Variants in RYR2 observed in about 807,000 individuals in gnomAD.
RYR2 encodes ryanodine receptor 2.
A neutral mutation model predicts 601.1 loss-of-function variants in RYR2; 227 were observed. The observed-to-expected ratio is 0.38, with a 90% CI of 0.34 to 0.42. The LOEUF (loss-of-function observed/expected upper bound fraction) is 0.42, where lower values mean the gene tolerates loss of function less well. Among genes scored for constraint, RYR2 ranks in the 10% least tolerant of loss-of-function variants. The pLI is 1.00. For synonymous variants in RYR2, 2,223 were observed against 2,175.1 expected (o/e 1.02, Z -0.61); for missense variants, 4,646 against 6,156.5 (o/e 0.75, Z 8.21).
At chr1:237,226,084 T>G (rs1030969785) in intron 1 of RYR2, among the ~76,000 whole-genome samples, 1 of 151,880 alleles carries the variant, frequency 6.6e-6, no homozygotes, top group Non-Finnish European at 1.5e-5. Context: ...AGGTGTCCCC[T>G]GTAACATTAG....
chr1:237,540,760 A>G (rs1669174013), intron 25 of RYR2, among the ~76,000 whole-genome samples: 1 of 151,782 alleles, frequency 6.6e-6, no homozygotes, highest in Non-Finnish European at 1.5e-5. Context: ...AGAGGTTTCT[A>G]AAACTACTGC....
intron 1 of RYR2, among the ~76,000 whole-genome samples, chr1:237,058,840 C>T (rs1389941424): frequency 6.6e-6 from 1 of 151,538 alleles, no homozygotes; most frequent in Non-Finnish European, 1.5e-5. Context: ...AATCAGGTAG[C>T]AATTAGAAGG....
chr1:237,260,823 T>G (rs1688437397), intron 1 of RYR2, among the ~76,000 whole-genome samples: 5 of 152,230 alleles, frequency 3.3e-5, no homozygotes, highest in Admixed American at 3.3e-4. Flanking sequence ...ACAAAAATTC[T>G]TAAAGGTCAT....
At position 237,114,548 on chromosome 1, in the gene RYR2, C is replaced by T. The variant is rs769319054; in HGVS notation, c.48+71979C>T. 4.6e-5 allele frequency among the ~76,000 whole-genome samples: 7 copies of T among 152,256 alleles called. No homozygotes were observed. The South Asian group carries it at 6.2e-4, about 14-fold the overall frequency. ...CCCTGTCAGAAGCTTGGAAATACTT[C>T]GATTTTAAAGCTGCTACTCTTCCAT... On this transcript the variant is annotated intron_variant, in intron 1 of 104. Coordinates refer to ENST00000366574, the MANE Select transcript of RYR2 (RefSeq NM_001035.3).
At chr1:237,634,457 A>G (rs10925480) in intron 43 of RYR2, among the ~76,000 whole-genome samples, 61,826 of 151,942 alleles carry the variant, frequency 0.41, 13,151 homozygotes, top group African/African-American at 0.54. Flanking sequence ...TACCAGGTGT[A>G]GGGGGGAGTG....
intron 80 of RYR2, among the ~76,000 whole-genome samples, chr1:237,753,703 G>T (rs1199204425): frequency 6.6e-6 from 1 of 152,140 alleles, no homozygotes; most frequent in Non-Finnish European, 1.5e-5. Flanking sequence ...CTAAACTGCA[G>T]GTGGTGTTTA....
intron 8 of RYR2, among the ~76,000 whole-genome samples, chr1:237,380,508 A>G (rs1701415548): frequency 6.8e-6 from 1 of 147,592 alleles, no homozygotes; most frequent in Admixed American, 6.8e-5. Flanking sequence ...AGTCTGGGGA[A>G]TAATAAAGAA....
intron 17 of RYR2, among the ~76,000 whole-genome samples, chr1:237,471,613 G>A (rs12048032): frequency 0.48 from 73,390 of 151,898 alleles, 18,750 homozygotes; most frequent in East Asian, 0.65. Flanking sequence ...ACTGCACAGC[G>A]AAATGCTTAA....
intron 2 of RYR2, among the ~76,000 whole-genome samples, chr1:237,310,565 CTTTCCCCTCCAGCCCACTTTACCCCTT>C (rs1694449445): frequency 6.6e-6 from 1 of 152,174 alleles, no homozygotes; most frequent in Non-Finnish European, 1.5e-5. Flanking sequence ...TACCCTACCT[CTTTCCCCTCCAGCCCACTTTACCCCTT>C]TAAATATTGA....
chr1:237,210,423 G>A (rs1682446643), intron 1 of RYR2, among the ~76,000 whole-genome samples: 1 of 151,950 alleles, frequency 6.6e-6, no homozygotes, highest in Non-Finnish European at 1.5e-5. Flanking sequence ...ATCTCTCCTT[G>A]GATCTGGAGG....
intron 98 of RYR2, 75 bp downstream of exon 98, chr1:237,801,991 G>A: frequency 3.5e-6 from 3 of 861,370 alleles, no homozygotes; most frequent in Non-Finnish European, 5.8e-6. Context: ...CAGATGGAAG[G>A]CTGGTTATTT....
At chr1:237,696,896 C>G (rs572356699) in intron 63 of RYR2, among the ~76,000 whole-genome samples, 34 of 152,134 alleles carry the variant, frequency 2.2e-4, no homozygotes, top group Non-Finnish European at 3.4e-4. Context: ...TGCAGTAGGT[C>G]CCTAATTATC....
chr1:237,363,344 T>G (rs1485454042), intron 4 of RYR2, among the ~76,000 whole-genome samples: 1 of 152,094 alleles, frequency 6.6e-6, no homozygotes, highest in African/African-American at 2.4e-5. Flanking sequence ...GATGAAAGCT[T>G]CTTTACAATT....
chr1:237,625,056 T>A (rs74147124), intron 39 of RYR2, among the ~76,000 whole-genome samples: 3,848 of 151,870 alleles, frequency 0.025, 167 homozygotes, highest in African/African-American at 0.086. Context: ...ATATATATTT[T>A]TTTTTTTCTA....
intron 69 of RYR2, 117 bp downstream of exon 69, chr1:237,709,215 A>G (rs1414225251): frequency 1.7e-5 from 17 of 993,080 alleles, no homozygotes; most frequent in Non-Finnish European, 2.2e-5. Flanking sequence ...GGTAATTATA[A>G]TTAACTGTTT....
chr1:237,685,821 TGAATA>T lies in RYR2; in HGVS notation c.9018-1631_9018-1627del, dbSNP rs1399311249. On this transcript the variant is annotated intron_variant, in intron 62 of 104. Coordinates refer to ENST00000366574, the MANE Select transcript of RYR2 (RefSeq NM_001035.3). ...ACTAATCTTATGTCTAGTAGCCACTTGAATAGATCATTGTTTTAAAAATATTTTGT... is the reference window on the plus strand; with the variant it reads ...ACTAATCTTATGTCTAGTAGCCACTTGATCATTGTTTTAAAAATATTTTGT... Among the ~76,000 whole-genome samples, 3 of 152,292 alleles carry T rather than the reference TGAATA, an allele frequency of 2.0e-5. No homozygotes were observed. The East Asian group carries it at 5.8e-4, about 29-fold the overall frequency.
chr1:237,192,220 T>G (rs1294548121), intron 1 of RYR2, among the ~76,000 whole-genome samples: 1 of 152,080 alleles, frequency 6.6e-6, no homozygotes, highest in African/African-American at 2.4e-5. Context: ...ATTTTATTTA[T>G]TGTTTTGAGA....
intron 17 of RYR2, among the ~76,000 whole-genome samples, chr1:237,469,465 A>G (rs973220023): frequency 6.6e-6 from 1 of 152,032 alleles, no homozygotes; most frequent in South Asian, 2.1e-4. Context: ...GTTTGGTGTA[A>G]TATAAGTGTT....
intron 2 of RYR2, among the ~76,000 whole-genome samples, chr1:237,304,223 T>A (rs1331190577): frequency 6.6e-6 from 1 of 152,192 alleles, no homozygotes; most frequent in Non-Finnish European, 1.5e-5. Flanking sequence ...TGGAAGGCAA[T>A]CTAGTGCTGA....
Sources: allele counts gnomAD v4.1 joint callset (sites outside exome capture counted in the v4.1 genomes callset), GRCh38; gene constraint gnomAD v4.1.1; transcripts MANE v1.5; gene names NCBI Gene and HGNC (gene_info 2026-07-23, HGNC 2026-07-21).